The following FBXL17 variants were observed in gnomAD, a reference collection of about 807,000 sequenced individuals.
FBXL17 encodes the protein F-box and leucine rich repeat protein 17.
Under a neutral mutation model 66.2 loss-of-function variants are expected in FBXL17, and 22 were observed. The observed-to-expected ratio is 0.33, with a 90% CI of 0.24 to 0.47. The LOEUF is 0.47. Among genes scored for constraint, FBXL17 ranks in the 20% least tolerant of loss-of-function variants. The pLI, the probability that FBXL17 is intolerant of heterozygous loss-of-function variation, is 1.00. For synonymous variants in FBXL17, 474 were observed against 400.5 expected (o/e 1.18, Z -2.19); for missense variants, 878 against 948.2 (o/e 0.93, Z 0.97).
At chr5:107,894,336 A>C (rs1449413757) in intron 7 of FBXL17, among the ~76,000 whole-genome samples, 1 of 152,224 alleles carries the variant, frequency 6.6e-6, no homozygotes, top group Non-Finnish European at 1.5e-5. Flanking sequence ...CTGATAAAGA[A>C]ACTAAATCAG....
intron 8 of FBXL17, chr5:107,878,775 T>C: frequency 1.0e-6 from 1 of 985,470 alleles, no homozygotes; most frequent in Non-Finnish European, 1.2e-6. Context: ...TTTGGAACTG[T>C]CTTCCATCCT....
chr5:107,934,077 A>T (rs1351115801), intron 7 of FBXL17, among the ~76,000 whole-genome samples: 1 of 152,140 alleles, frequency 6.6e-6, no homozygotes, highest in African/African-American at 2.4e-5. Context: ...TGAGATCTGA[A>T]AAACTCTATT....
chr5:107,961,339 C>T (rs1392310828), intron 7 of FBXL17, among the ~76,000 whole-genome samples: 1 of 151,996 alleles, frequency 6.6e-6, no homozygotes. Context: ...ATTCTCCCAC[C>T]TCAGCCTCCC....
intron 1 of FBXL17, among the ~76,000 whole-genome samples, chr5:108,377,540 C>G (rs1014744905): frequency 1.3e-5 from 2 of 152,250 alleles, no homozygotes; most frequent in Non-Finnish European, 2.9e-5. Context: ...ACAGTAGAAG[C>G]CCACGCGAGA....
chr5:108,364,684 GA>G, intron 3 of FBXL17, 53 bp downstream of exon 3: 2 of 1,408,102 alleles, frequency 1.4e-6, no homozygotes, highest in Non-Finnish European at 2.0e-6. Context: ...GTTGTTGCTA[GA>G]AAACATTTTT....
At chr5:108,160,072 AAAAAT>A (rs1752149118) in intron 6 of FBXL17, among the ~76,000 whole-genome samples, 7 of 152,300 alleles carry the variant, frequency 4.6e-5, no homozygotes, top group Middle Eastern at 6.8e-3. Context: ...TCAAATACCT[AAAAAT>A]AAAAGGGCTA....
At chr5:107,870,991 C>G (rs1387332676) in intron 8 of FBXL17, among the ~76,000 whole-genome samples, 5 of 143,414 alleles carry the variant, frequency 3.5e-5, no homozygotes, top group African/African-American at 1.3e-4. Context: ...GAACCTCATA[C>G]CGGTAGCCTG....
Position 108,046,369 on chromosome 5 carries a change from T to C in FBXL17, c.1746-25368A>G, listed in dbSNP as rs182899179. 2.0e-5 allele frequency among the ~76,000 whole-genome samples: 3 copies of C among 152,348 alleles called. No individual in the cohort carries two copies. In the East Asian group the frequency reaches 5.8e-4, roughly 29 times the overall value. ...TGAGTTTATTAAACACAGCATATACTTGGGTCATGTTTTAAAATCAACTCT... is the reference window on the plus strand; with the variant it reads ...TGAGTTTATTAAACACAGCATATACCTGGGTCATGTTTTAAAATCAACTCT... On this transcript the variant is annotated intron_variant, in intron 6 of 8. Transcript: ENST00000542267.
intron 4 of FBXL17, among the ~76,000 whole-genome samples, chr5:108,322,288 T>C (rs1005275618): frequency 1.3e-5 from 2 of 151,954 alleles, no homozygotes; most frequent in African/African-American, 4.8e-5. Context: ...CCTAAGTGTC[T>C]AGCAATCAAC....
intron 6 of FBXL17, among the ~76,000 whole-genome samples, chr5:108,147,775 T>C (rs908212272): frequency 8.6e-5 from 13 of 151,922 alleles, no homozygotes; most frequent in Non-Finnish European, 1.6e-4. Context: ...ATACCAAAGA[T>C]AGAGAAGAGA....
At chr5:108,137,891 A>G (rs1751203498) in intron 6 of FBXL17, among the ~76,000 whole-genome samples, 1 of 152,206 alleles carries the variant, frequency 6.6e-6, no homozygotes, top group African/African-American at 2.4e-5. Flanking sequence ...CTATGCCTAG[A>G]CTATCGATAA....
chr5:107,942,697 G>T (rs1406781362), intron 7 of FBXL17, among the ~76,000 whole-genome samples: 1 of 151,272 alleles, frequency 6.6e-6, no homozygotes, highest in Non-Finnish European at 1.5e-5. Flanking sequence ...CATTGACAAT[G>T]CCTCTCCCTA....
chr5:108,182,339 A>G (rs1753037962), intron 6 of FBXL17, among the ~76,000 whole-genome samples: 2 of 152,202 alleles, frequency 1.3e-5, no homozygotes, highest in South Asian at 4.1e-4. Flanking sequence ...TGCTGAAATT[A>G]TAATTAAGTC....
chr5:107,944,428 A>C lies in FBXL17; in HGVS notation c.1823-63249T>G, dbSNP rs1751215582. 2.0e-5 allele frequency among the ~76,000 whole-genome samples: 3 copies of C among 152,316 alleles called. No homozygotes were observed. The South Asian group carries it at 6.2e-4, about 32-fold the overall frequency. On this transcript the variant is annotated intron_variant, in intron 7 of 8. Transcript: ENST00000542267. ...CAAGAAAGGCCATCTTAACATTTCA[A>C]AGTTAACATTTCATTTTAAATTAAA... is the stretch of plus-strand genomic sequence containing the variant.
chr5:108,279,827 T>C (rs999913564), intron 4 of FBXL17, among the ~76,000 whole-genome samples: 9 of 151,248 alleles, frequency 6.0e-5, no homozygotes, highest in Admixed American at 4.6e-4. Context: ...AAATACAAAA[T>C]ATATTCAAAA....
intron 6 of FBXL17, among the ~76,000 whole-genome samples, chr5:108,129,335 T>C (rs1750835665): frequency 1.3e-5 from 2 of 152,034 alleles, no homozygotes; most frequent in South Asian, 4.1e-4. Flanking sequence ...GATGACAGTA[T>C]TGTAAATTAA....
At chr5:108,011,437 C>T (rs184541009) in intron 7 of FBXL17, among the ~76,000 whole-genome samples, 2 of 152,238 alleles carry the variant, frequency 1.3e-5, no homozygotes, top group Admixed American at 1.3e-4. Context: ...AGGTAGAACA[C>T]AAAGCCACAC....
chr5:107,902,479 T>A (rs377165061), intron 7 of FBXL17, among the ~76,000 whole-genome samples: 3 of 152,306 alleles, frequency 2.0e-5, no homozygotes, highest in African/African-American at 7.2e-5. Context: ...AAAGAGCAGT[T>A]GCCATGTGTT....
intron 5 of FBXL17, among the ~76,000 whole-genome samples, chr5:108,203,034 C>A (rs563894628): frequency 1.3e-5 from 2 of 152,200 alleles, no homozygotes; most frequent in South Asian, 4.1e-4. Context: ...TCAGCACTGA[C>A]ACTCAGGTAG....
Sources: gnomAD v4.1 joint callset for allele counts (sites outside exome capture counted in the v4.1 genomes callset) on GRCh38, gnomAD v4.1.1 for gene constraint, MANE v1.5 for transcripts, NCBI Gene and HGNC (gene_info 2026-07-23, HGNC 2026-07-21) for gene names.